The following MCF2 variants were observed in gnomAD, a reference collection of about 807,000 sequenced individuals.
MCF2 encodes the protein proto-oncogene DBL.
A neutral mutation model predicts 82.5 loss-of-function variants in MCF2; 44 were observed. The observed-to-expected ratio is 0.53, with a 90% confidence interval of 0.42 to 0.69. The LOEUF is 0.69. Among genes scored for constraint, MCF2 ranks in the 30% least tolerant of loss-of-function variants. The pLI is 0.00. For synonymous variants in MCF2, 217 were observed against 224.9 expected (o/e 0.96, Z 0.32); for missense variants, 623 against 663.1 (o/e 0.94, Z 0.66).
chrX:139,648,863 G>A (rs1933896220), intron 2 of MCF2, among the ~76,000 whole-genome samples: 1 of 112,034 alleles, frequency 8.9e-6, no homozygotes, highest in African/African-American at 3.2e-5. Flanking sequence ...AATCTTAAAT[G>A]CTTATGCACC....
intron 1 of MCF2, among the ~76,000 whole-genome samples, chrX:139,685,636 C>T (rs755790622): frequency 1.4e-4 from 15 of 110,873 alleles, no homozygotes; most frequent in Non-Finnish European, 2.5e-4. Context: ...TGCTCCCAGC[C>T]GAATAAACTG....
exon 6 of MCF2, chrX:139,626,304 C>A (rs1398731059): frequency 1.8e-6 from 2 of 1,118,555 alleles, no homozygotes; most frequent in East Asian, 6.0e-5. Context: ...CTTGAGTCAG[C>A]AACCTTAAGA....
At chrX:139,591,434 C>T (rs1603274522) in intron 19 of MCF2, among the ~76,000 whole-genome samples, 1 of 110,668 alleles carries the variant, frequency 9.0e-6, no homozygotes, top group East Asian at 2.8e-4. Context: ...CCCTGGAAAT[C>T]TAACCATTAT....
intron 1 of MCF2, among the ~76,000 whole-genome samples, chrX:139,658,282 T>C (rs1021983540): frequency 1.8e-5 from 2 of 111,357 alleles, no homozygotes; most frequent in African/African-American, 6.5e-5. Context: ...AAGGAAGAGA[T>C]TGGGGACTTA....
intron 7 of MCF2, among the ~76,000 whole-genome samples, chrX:139,618,872 T>C (rs1391553421): frequency 9.0e-6 from 1 of 111,454 alleles, no homozygotes; most frequent in Non-Finnish European, 1.9e-5. Context: ...GGTTACTATA[T>C]AGTCCAGTGT....
intron 1 of MCF2, among the ~76,000 whole-genome samples, chrX:139,633,725 C>A (rs1180613145): frequency 9.0e-6 from 1 of 111,004 alleles, no homozygotes; most frequent in African/African-American, 3.3e-5. Context: ...GTCAAATTTG[C>A]ATTTTAGAAA....
At chrX:139,624,808 G>A (rs185658368) in intron 6 of MCF2, among the ~76,000 whole-genome samples, 6 of 111,427 alleles carry the variant, frequency 5.4e-5, no homozygotes, top group Non-Finnish European at 9.4e-5. Flanking sequence ...TTATATAACA[G>A]AATATCCCTA....
At chrX:139,603,580 A>G (rs1182431678) in intron 15 of MCF2, among the ~76,000 whole-genome samples, 1 of 112,581 alleles carries the variant, frequency 8.9e-6, no homozygotes, top group Non-Finnish European at 1.9e-5. Context: ...TCACGCCTGT[A>G]ATCCCAACAC....
At chrX:139,682,148 C>T (rs1935013491) in intron 1 of MCF2, among the ~76,000 whole-genome samples, 1 of 111,137 alleles carries the variant, frequency 9.0e-6, no homozygotes, top group Non-Finnish European at 1.9e-5. Flanking sequence ...AGGAAAAATG[C>T]ATGAGAAAAA....
chrX:139,648,851 A>T (rs990643568), intron 2 of MCF2, among the ~76,000 whole-genome samples: 1 of 112,360 alleles, frequency 8.9e-6, no homozygotes, highest in Non-Finnish European at 1.9e-5. Context: ...TCAATGGGAC[A>T]TAATCTTAAA....
At chrX:139,591,442 T>C (rs1929506505) in intron 19 of MCF2, among the ~76,000 whole-genome samples, 1 of 111,005 alleles carries the variant, frequency 9.0e-6, no homozygotes, top group Admixed American at 9.7e-5. Context: ...ATCTAACCAT[T>C]ATGTGTTGCA....
intron 2 of MCF2, among the ~76,000 whole-genome samples, chrX:139,649,391 T>C (rs766493033): frequency 2.5e-4 from 28 of 111,756 alleles, no homozygotes; most frequent in African/African-American, 9.1e-4. Context: ...AGGGCCTCTA[T>C]AGATACAGTA....
At chrX:139,629,641 C>T (rs1471609973) in intron 4 of MCF2, 54 bp downstream of exon 7, 1 of 1,103,272 alleles carries the variant, frequency 9.1e-7, no homozygotes, top group Admixed American at 2.4e-5. Context: ...TAATAAACAC[C>T]TCTCTAGATA....
intron 1 of MCF2, among the ~76,000 whole-genome samples, chrX:139,684,674 T>C (rs1935079762): frequency 8.9e-6 from 1 of 112,172 alleles, no homozygotes; most frequent in Non-Finnish European, 1.9e-5. Flanking sequence ...ACAACATGAA[T>C]GGACATTGAA....
Position 139,638,229 on chromosome X carries a change from C to T in MCF2, c.51+4239G>A, listed in dbSNP as rs925527434. Among the ~76,000 whole-genome samples the T allele has an allele frequency of 6.3e-5, 7 of 111,356 alleles. No homozygotes were observed. The East Asian group carries it at 8.4e-4, about 13-fold the overall frequency. ...CACATAAGTAGCAGAATTAAAACCCCGCTTCACCTGCCTGTTGAACTAGAC... is the reference window on the plus strand; with the variant it reads ...CACATAAGTAGCAGAATTAAAACCCTGCTTCACCTGCCTGTTGAACTAGAC... On this transcript the variant is annotated intron_variant, in intron 1 of 24. Coordinates refer to ENST00000370576, the Ensembl canonical transcript of MCF2.
In MCF2 at chrX:139,598,504, A is replaced by C; in HGVS notation, c.1837-6T>G. On this transcript the variant is annotated splice_polypyrimidine_tract_variant and splice_region_variant and intron_variant, in intron 16 of 24. Coordinates refer to ENST00000370576, the Ensembl canonical transcript of MCF2. ...TTTAACTTTCTTTGACATTCCTGTC[A>C]TTAAAAGATAAATATCAATAAAATT... 9.7e-7 allele frequency: 1 copy of C among 1,028,656 alleles called. No individual in the cohort carries two copies. Among genetic ancestry groups the C allele is most frequent in the Non-Finnish European group, 1.3e-6 (1 of 760,624 alleles). 84.8% of individuals were successfully genotyped at this position (1,028,656 alleles called of 1,213,427 possible). A position where few individuals can be genotyped will look rare whatever the true frequency, so the allele number is the denominator to read the frequency against.
At chrX:139,669,133 A>T (rs1042143671) in intron 1 of MCF2, among the ~76,000 whole-genome samples, 2 of 112,122 alleles carry the variant, frequency 1.8e-5, no homozygotes, top group Non-Finnish European at 3.8e-5. Context: ...TGCAAATCGT[A>T]TATCTGATAA....
intron 1 of MCF2, among the ~76,000 whole-genome samples, chrX:139,702,962 G>A (rs1014438143): frequency 8.9e-6 from 1 of 112,299 alleles, no homozygotes; most frequent in Non-Finnish European, 1.9e-5. Flanking sequence ...ACCTAGCCAA[G>A]GTCATAGCCC....
intron 16 of MCF2, among the ~76,000 whole-genome samples, chrX:139,599,835 T>C (rs1277331170): frequency 9.0e-6 from 1 of 111,666 alleles, no homozygotes; most frequent in African/African-American, 3.2e-5. Context: ...AATGAAAATA[T>C]ATGTCTACAG....
Sources: gnomAD v4.1 joint callset for allele counts (sites outside exome capture counted in the v4.1 genomes callset) on GRCh38, gnomAD v4.1.1 for gene constraint, MANE v1.5 for transcripts, NCBI Gene and HGNC (gene_info 2026-07-23, HGNC 2026-07-21) for gene names.